The following MALRD1 variants were observed in gnomAD, a reference collection of about 807,000 sequenced individuals.
The protein encoded by MALRD1 is MAM and LDL-receptor class A domain-containing protein 1.
A neutral mutation model predicts 242.1 loss-of-function variants in MALRD1; 247 were observed. The ratio of observed to expected loss-of-function variants is 1.02; its 90% confidence interval spans 0.92 to 1.13. The LOEUF (loss-of-function observed/expected upper bound fraction) is 1.13, where lower values mean the gene tolerates loss of function less well. Ranked by LOEUF, MALRD1 falls within the 50% of genes most tolerant of loss-of-function variation. The probability of loss-of-function intolerance (pLI) is 0.00; values close to 1 mark genes in which losing one functional copy is unlikely to be tolerated. For synonymous variants in MALRD1, 995 were observed against 866.6 expected, an observed-to-expected ratio of 1.15 and a Z score of -2.60; for missense variants, 2,989 against 2,533.1, an observed-to-expected ratio of 1.18 and a Z score of -3.86.
intron 13 of MALRD1, among the ~76,000 whole-genome samples, chr10:19,167,653 G>T (rs369720069): frequency 6.6e-6 from 1 of 152,114 alleles, no homozygotes; most frequent in Non-Finnish European, 1.5e-5. Context: ...TACTCTAGGC[G>T]AAGTCTCTTA....
At chr10:19,283,501 T>C (rs1840929251) in intron 21 of MALRD1, among the ~76,000 whole-genome samples, 1 of 152,052 alleles carries the variant, frequency 6.6e-6, no homozygotes, top group South Asian at 2.1e-4. Context: ...CAAATGTCTT[T>C]TCTCCTTCCC....
rs186111077 is a variant in MALRD1, at chr10:19,302,421, T to A, written c.3419+19240T>A. Among the ~76,000 whole-genome samples, 265 of 151,936 alleles carry A rather than the reference T, an allele frequency of 1.7e-3. 2 individuals are homozygous for A. Among genetic ancestry groups the A allele is most frequent in the African/African-American group, 6.0e-3 (248 of 41,508 alleles). ...TCCTATGAATGGACAAACAAAAATG[T>A]TATATCCGTATAAGGAAATGCTATT... On this transcript the variant is annotated intron_variant, in intron 21 of 39. Coordinates refer to ENST00000454679, the MANE Select transcript of MALRD1 (RefSeq NM_001142308.3).
chr10:19,149,785 A>T (rs548561907), intron 11 of MALRD1, among the ~76,000 whole-genome samples: 27 of 152,190 alleles, frequency 1.8e-4, no homozygotes, highest in Non-Finnish European at 3.5e-4. Flanking sequence ...AAAAATGAAG[A>T]TATAAAACAA....
chr10:19,603,491 A>T (rs1009103046), intron 34 of MALRD1, among the ~76,000 whole-genome samples: 1 of 152,114 alleles, frequency 6.6e-6, no homozygotes, highest in Non-Finnish European at 1.5e-5. Context: ...TTTGTCAAAG[A>T]TCAGATGGTT....
At chr10:19,273,623 T>C (rs182295287) in intron 19 of MALRD1, among the ~76,000 whole-genome samples, 14 of 152,254 alleles carry the variant, frequency 9.2e-5, no homozygotes, top group African/African-American at 2.6e-4. Flanking sequence ...AAGAAGCCAA[T>C]ATGAAAAGGC....
chr10:19,112,151 T>G (rs909864991), intron 5 of MALRD1, among the ~76,000 whole-genome samples: 2 of 34,036 alleles, frequency 5.9e-5, no homozygotes, highest in African/African-American at 1.5e-4. Context: ...ATTCTCAGGA[T>G]TTTTTTTTTT....
intron 18 of MALRD1, among the ~76,000 whole-genome samples, chr10:19,251,733 A>T (rs1246383438): frequency 6.6e-6 from 1 of 151,948 alleles, no homozygotes; most frequent in Non-Finnish European, 1.5e-5. Context: ...GAAGTAGGTG[A>T]TATGGTTTGA....
At chr10:19,471,308 A>G (rs1836481861) in intron 29 of MALRD1, among the ~76,000 whole-genome samples, 1 of 151,870 alleles carries the variant, frequency 6.6e-6, no homozygotes, top group South Asian at 2.1e-4. Flanking sequence ...TTTTAATGCC[A>G]GTATCCACAC....
At position 19,692,357 on chromosome 10, in the gene MALRD1, G is replaced by C. The variant is rs568593043; in HGVS notation, c.6213G>C (p.Gln2071His). 1.7e-5 allele frequency: 26 copies of C among 1,534,746 alleles called. No homozygotes were observed. The Admixed American group carries it at 2.9e-4, about 17-fold the overall frequency. ...NPPATDFTYA[Q>H]NNTWTLLGIG... ...CTGCTACAGACTTCACATACGCTCAGAATAGTAGGTGACATTATGACTAAA... is the reference window on the plus strand; with the variant it reads ...CTGCTACAGACTTCACATACGCTCACAATAGTAGGTGACATTATGACTAAA... The change falls in exon 37 of 40, where the codon CAG (glutamine) becomes CAC (histidine). Residue 2071 changes from glutamine to histidine, a missense_variant. Transcript: ENST00000454679.
intron 39 of MALRD1, among the ~76,000 whole-genome samples, chr10:19,733,496 C>T (rs1206334230): frequency 6.6e-6 from 1 of 152,036 alleles, no homozygotes; most frequent in African/African-American, 2.4e-5. Context: ...CCAATTGTCT[C>T]ATTAAAACCT....
At chr10:19,572,052 T>C (rs749558659) in intron 33 of MALRD1, among the ~76,000 whole-genome samples, 19 of 152,264 alleles carry the variant, frequency 1.2e-4, no homozygotes, top group Non-Finnish European at 2.5e-4. Flanking sequence ...TCACCCCAAG[T>C]TACCTGCAGT....
At chr10:19,383,036 TAAAAG>T (rs1564290442) in intron 26 of MALRD1, among the ~76,000 whole-genome samples, 1 of 152,146 alleles carries the variant, frequency 6.6e-6, no homozygotes, top group African/African-American at 2.4e-5. Context: ...AAAAGGATAA[TAAAAG>T]AATAGTATGA....
Position 19,491,539 on chromosome 10 carries a change from T to C in MALRD1, c.5052T>C (p.Cys1684=), listed in dbSNP as rs1487369259. ...TAGTGGGAGAGATCTCTGAGCTTTGTCCGGAAATCACTGATTTTTTGTGCC... is the reference window on the plus strand; with the variant it reads ...TAGTGGGAGAGATCTCTGAGCTTTGCCCGGAAATCACTGATTTTTTGTGCC... ...CTTVGEISEL[C]PEITDFLCRD... is the part of the protein sequence containing the mutation. Residue 1684 remains cysteine (C), a synonymous_variant, in exon 30 of 40, where the codon TGT becomes TGC. Coordinates refer to ENST00000454679, the MANE Select transcript of MALRD1 (RefSeq NM_001142308.3). 6.5e-7 allele frequency: 1 copy of C among 1,550,036 alleles called. No individual in the cohort carries two copies. The highest frequency in any genetic ancestry group is 1.4e-5 in the African/African-American group (1 of 73,048).
intron 24 of MALRD1, among the ~76,000 whole-genome samples, chr10:19,335,799 GA>G (rs758976358): frequency 6.8e-4 from 103 of 152,138 alleles, no homozygotes; most frequent in African/African-American, 2.4e-3. Flanking sequence ...ATTTCATGGA[GA>G]AAAAATTTTT....
At chr10:19,471,251 G>T (rs1589128613) in intron 29 of MALRD1, among the ~76,000 whole-genome samples, 2 of 151,686 alleles carry the variant, frequency 1.3e-5, no homozygotes, top group East Asian at 3.9e-4. Flanking sequence ...ACATGTATGG[G>T]CTTATTTCTG....
chr10:19,524,188 A>C (rs2131325681), intron 31 of MALRD1, among the ~76,000 whole-genome samples: 1 of 152,262 alleles, frequency 6.6e-6, no homozygotes, highest in Non-Finnish European at 1.5e-5. Flanking sequence ...TAAAAATTGC[A>C]GATGTGAGCT....
chr10:19,108,019 T>G (rs1176198402), intron 5 of MALRD1, among the ~76,000 whole-genome samples: 4 of 152,272 alleles, frequency 2.6e-5, no homozygotes, highest in Non-Finnish European at 5.9e-5. Flanking sequence ...TTTGTGGATA[T>G]GGATGTTCAT....
chr10:19,174,279 G>C (rs1041863384), intron 13 of MALRD1, among the ~76,000 whole-genome samples: 2 of 152,112 alleles, frequency 1.3e-5, no homozygotes, highest in African/African-American at 4.8e-5. Context: ...TTCCTTTATG[G>C]CTGGCTCTCA....
chr10:19,699,887 C>T (rs886605042), intron 38 of MALRD1, among the ~76,000 whole-genome samples: 1 of 152,020 alleles, frequency 6.6e-6, no homozygotes, highest in African/African-American at 2.4e-5. Flanking sequence ...CACCTCCCAC[C>T]AGGCCCCACC....
Sources: allele counts gnomAD v4.1 joint callset (sites outside exome capture counted in the v4.1 genomes callset), GRCh38; gene constraint gnomAD v4.1.1; transcripts MANE v1.5; gene names NCBI Gene and HGNC (gene_info 2026-07-23, HGNC 2026-07-21).